DCBLD1: variants seen among roughly 807,000 people sequenced by gnomAD.
DCBLD1 encodes the protein discoidin, CUB and LCCL domain-containing protein 1.
In DCBLD1, 57 loss-of-function variants were observed where a neutral mutation model predicts 71.5. The observed-to-expected ratio is 0.80, with a 90% CI of 0.64 to 0.99. The LOEUF (loss-of-function observed/expected upper bound fraction) is 0.99, where lower values mean the gene tolerates loss of function less well. Among genes scored for constraint, DCBLD1 ranks in the 50% least tolerant of loss-of-function variants. DCBLD1 has a pLI of 0.00. For synonymous variants in DCBLD1, 380 were observed against 363.8 expected, an observed-to-expected ratio of 1.04 and a Z score of -0.51; for missense variants, 891 against 923.5, an observed-to-expected ratio of 0.96 and a Z score of 0.46.
intron 1 of DCBLD1, among the ~76,000 whole-genome samples, chr6:117,499,617 A>C (rs926715155): frequency 1.1e-4 from 16 of 152,170 alleles, no homozygotes; most frequent in Non-Finnish European, 2.9e-5. Context: ...ATACAGAGAG[A>C]TATTGTATAC....
chr6:117,519,195 A>G (rs764172551), intron 2 of DCBLD1, among the ~76,000 whole-genome samples: 27 of 152,328 alleles, frequency 1.8e-4, no homozygotes, highest in Non-Finnish European at 3.8e-4. Flanking sequence ...TTGCTTTTCA[A>G]GCAACTTATT....
chr6:117,523,097 A>G (rs1583005047), intron 4 of DCBLD1, among the ~76,000 whole-genome samples: 2 of 152,342 alleles, frequency 1.3e-5, no homozygotes, highest in South Asian at 2.1e-4. Context: ...AGTATTATCT[A>G]TTATAGCTAT....
chr6:117,488,993 A>G (rs1777188623), intron 1 of DCBLD1, among the ~76,000 whole-genome samples: 1 of 152,206 alleles, frequency 6.6e-6, no homozygotes. Context: ...GTGTAATAAT[A>G]TACCCAATAT....
chr6:117,545,686 T>G, intron 14 of DCBLD1, 89 bp downstream of exon 14: 1 of 1,515,820 alleles, frequency 6.6e-7, no homozygotes, highest in Non-Finnish European at 8.9e-7. Context: ...GCAAAATCCT[T>G]TTCTATTTAG....
In DCBLD1 at chr6:117,543,217, G is replaced by T. The variant is rs1779159683; in HGVS notation, c.1445+6G>T. The stretch of plus-strand genomic sequence containing the variant: ...ATCTTTGCAGCCTTTAGAAAGTATG[G>T]TGACTTTACATGTTTAAATTTCTTC... On this transcript the variant is annotated splice_donor_region_variant and intron_variant, in intron 12 of 14. Coordinates refer to ENST00000338728, the MANE Select transcript of DCBLD1 (RefSeq NM_001366458.2). The T allele has an allele frequency of 6.2e-7, 1 of 1,613,164 alleles. No homozygotes were observed. The highest frequency in any genetic ancestry group is 1.7e-5 in the Admixed American group (1 of 59,986).
chr6:117,504,513 C>T (rs145813712), intron 2 of DCBLD1, among the ~76,000 whole-genome samples: 1 of 152,248 alleles, frequency 6.6e-6, no homozygotes, highest in East Asian at 1.9e-4. Flanking sequence ...TGTTTTTGTG[C>T]CACTTCAAAT....
chr6:117,547,527 C>G, intron 14 of DCBLD1: 1 of 504,170 alleles, frequency 2.0e-6, no homozygotes. Flanking sequence ...GTCCCTCATA[C>G]TCTGGCCATA....
In DCBLD1 at chr6:117,504,600, C is replaced by T. The variant is rs148904814; in HGVS notation, c.325+621C>T. 6.6e-4 allele frequency among the ~76,000 whole-genome samples: 100 copies of T among 152,232 alleles called. 2 individuals carry two copies. The East Asian group carries it at 0.018, about 27-fold the overall frequency. ...AACGAGGTAAGGGAATGGACTGTTC[C>T]GTTACGACTGAGGTCAGAATTTTCT... On this transcript the variant is annotated intron_variant, in intron 2 of 14. Coordinates refer to ENST00000338728, the MANE Select transcript of DCBLD1 (RefSeq NM_001366458.2).
At chr6:117,495,199 C>A (rs143750787) in intron 1 of DCBLD1, among the ~76,000 whole-genome samples, 335 of 152,130 alleles carry the variant, frequency 2.2e-3, no homozygotes, top group African/African-American at 7.8e-3. Flanking sequence ...CACACACACA[C>A]AGCCTTATTC....
intron 13 of DCBLD1, 119 bp from the exon 14 acceptor site, chr6:117,545,359 A>G (rs1779231996): frequency 3.7e-6 from 5 of 1,367,448 alleles, no homozygotes; most frequent in Non-Finnish European, 4.0e-6. Flanking sequence ...TGAGGAGGAC[A>G]TTGATCACTG....
At chr6:117,536,947 C>A (rs1457906619) in intron 6 of DCBLD1, among the ~76,000 whole-genome samples, 1 of 152,236 alleles carries the variant, frequency 6.6e-6, no homozygotes, top group Non-Finnish European at 1.5e-5. Flanking sequence ...TAGCCCCTTT[C>A]CTAGCCCCTT....
intron 1 of DCBLD1, among the ~76,000 whole-genome samples, chr6:117,499,457 A>G (rs1412676408): frequency 3.3e-5 from 5 of 152,072 alleles, no homozygotes; most frequent in Non-Finnish European, 2.9e-5. Context: ...ACAAAATGCA[A>G]AGAGTATAAA....
chr6:117,533,192 T>A (rs1268446301), intron 6 of DCBLD1, among the ~76,000 whole-genome samples: 1 of 152,228 alleles, frequency 6.6e-6, no homozygotes, highest in Non-Finnish European at 1.5e-5. Context: ...CAACTGTTTT[T>A]TGGACAGGTT....
chr6:117,518,429 T>G (rs950099914), intron 2 of DCBLD1, among the ~76,000 whole-genome samples: 25 of 152,216 alleles, frequency 1.6e-4, no homozygotes, highest in Admixed American at 2.6e-4. Flanking sequence ...TGTTCCAACC[T>G]CTGCCTGTTA....
At chr6:117,562,507 C>T (rs1443971358) in intron 14 of DCBLD1, 2 of 203,420 alleles carry the variant, frequency 9.8e-6, no homozygotes, top group African/African-American at 2.3e-5. Context: ...CAGTACTGCG[C>T]ACACAGATCA....
At chr6:117,508,309 G>T (rs1360573816) in intron 2 of DCBLD1, among the ~76,000 whole-genome samples, 2 of 151,994 alleles carry the variant, frequency 1.3e-5, no homozygotes, top group African/African-American at 4.8e-5. Flanking sequence ...TGACTGCCTT[G>T]GTCCTGTTCT....
intron 14 of DCBLD1, chr6:117,547,607 C>T (rs1330868107): frequency 1.5e-6 from 1 of 662,766 alleles, no homozygotes; most frequent in South Asian, 1.5e-5. Flanking sequence ...CATAGCTTCT[C>T]CAGAGCCAGT....
intron 1 of DCBLD1, among the ~76,000 whole-genome samples, chr6:117,487,838 T>C (rs145098460): frequency 1.7e-4 from 26 of 152,220 alleles, no homozygotes; most frequent in African/African-American, 6.3e-4. Flanking sequence ...TAGTTTTGCC[T>C]TTTTCCAAAC....
intron 2 of DCBLD1, among the ~76,000 whole-genome samples, chr6:117,515,344 C>T (rs1031482666): frequency 1.3e-5 from 2 of 152,078 alleles, no homozygotes; most frequent in Non-Finnish European, 1.5e-5. Flanking sequence ...CATTAGAACT[C>T]ATTGGAATGC....
Sources: allele counts gnomAD v4.1 joint callset (sites outside exome capture counted in the v4.1 genomes callset), GRCh38; gene constraint gnomAD v4.1.1; transcripts MANE v1.5; gene names NCBI Gene and HGNC (gene_info 2026-07-23, HGNC 2026-07-21).